PALLD: variants seen among roughly 807,000 people sequenced by gnomAD.
PALLD encodes palladin.
Under a neutral mutation model 123.5 loss-of-function variants are expected in PALLD, and 61 were observed. That is an observed-to-expected ratio of 0.49 (90% CI 0.40 to 0.61). The LOEUF (loss-of-function observed/expected upper bound fraction) is 0.61, where lower values mean the gene tolerates loss of function less well. Ranked by LOEUF, PALLD falls within the 20% of genes least tolerant of loss-of-function variation. The probability of loss-of-function intolerance (pLI) is 0.00; values close to 1 mark genes in which losing one functional copy is unlikely to be tolerated. For missense variants in PALLD, 1,273 were observed against 1,377.0 expected, an observed-to-expected ratio of 0.92 and a Z score of 1.20; for synonymous variants, 465 against 496.4, an observed-to-expected ratio of 0.94 and a Z score of 0.84.
In PALLD at chr4:168,877,992, C is replaced by T. The variant is rs899963551; in HGVS notation, c.1965-12930C>T. On this transcript the variant is annotated intron_variant, in intron 10 of 21. Transcript: ENST00000505667. Reference sequence around the variant, plus strand: ...TTCATCGCCGCGCAGAACCTCGGGCCCGCGTCGGGCCACGGCACGCCGGCC... The same window carrying T: ...TTCATCGCCGCGCAGAACCTCGGGCTCGCGTCGGGCCACGGCACGCCGGCC... 1.0e-5 allele frequency: 15 copies of T among 1,499,898 alleles called. No individual in the cohort carries two copies. The highest frequency in any genetic ancestry group is 1.2e-5 in the Non-Finnish European group (14 of 1,130,318). The allele number at this position is 1,499,898 out of a possible 1,614,324, so 92.9% of individuals were successfully genotyped here. A position where few individuals can be genotyped will look rare whatever the true frequency, so the allele number is the denominator to read the frequency against.
At chr4:168,641,318 T>A (rs1466858850) in intron 2 of PALLD, among the ~76,000 whole-genome samples, 3 of 152,078 alleles carry the variant, frequency 2.0e-5, no homozygotes, top group African/African-American at 7.2e-5. Flanking sequence ...CGTAGAGGGT[T>A]TTGAGTAAGC....
chr4:168,846,271 T>C (rs1746828821), intron 10 of PALLD, among the ~76,000 whole-genome samples: 1 of 152,254 alleles, frequency 6.6e-6, no homozygotes. Flanking sequence ...AGTTTTCTCA[T>C]GTTTCCTTTT....
intron 2 of PALLD, among the ~76,000 whole-genome samples, chr4:168,522,833 T>C (rs1162996204): frequency 6.6e-6 from 1 of 152,204 alleles, no homozygotes; most frequent in Non-Finnish European, 1.5e-5. Context: ...GGATATCTGC[T>C]GAAATAGGAC....
At chr4:168,582,822 T>C (rs942743866) in intron 2 of PALLD, among the ~76,000 whole-genome samples, 1 of 152,178 alleles carries the variant, frequency 6.6e-6, no homozygotes, top group African/African-American at 2.4e-5. Context: ...GAATTTGGTT[T>C]GCTGGTATTT....
chr4:168,735,900 G>C (rs1438507051), intron 10 of PALLD, among the ~76,000 whole-genome samples: 1 of 152,070 alleles, frequency 6.6e-6, no homozygotes, highest in Non-Finnish European at 1.5e-5. Context: ...TACTTTCATT[G>C]CCACTCTGTG....
chr4:168,825,727 G>A (rs964934055), intron 10 of PALLD, among the ~76,000 whole-genome samples: 29 of 145,304 alleles, frequency 2.0e-4, no homozygotes, highest in African/African-American at 6.8e-4. Flanking sequence ...TGCTGAGAGA[G>A]TTTTACTTCC....
At position 168,924,328 on chromosome 4, in the gene PALLD, G is replaced by A; in HGVS notation, c.3132G>A (p.Val1044=). Residue 1044 remains valine (V), a synonymous_variant, in exon 19 of 22, where the codon GTG becomes GTA. Coordinates refer to ENST00000505667, the MANE Select transcript of PALLD (RefSeq NM_001166108.2). ...QNTGVADGYP[V]RLECRVLGVP... ...CAGGAGTTGCTGATGGGTACCCAGT[G>A]CGGCTGGAATGTCGTGTATTGGGAG... The A allele has an allele frequency of 6.2e-7, 1 of 1,613,954 alleles. No individual in the cohort carries two copies. Among genetic ancestry groups the A allele is most frequent in the Non-Finnish European group, 8.5e-7 (1 of 1,179,866 alleles).
chr4:168,794,486 A>ACATG (rs1364329535), intron 10 of PALLD, among the ~76,000 whole-genome samples: 1 of 143,780 alleles, frequency 7.0e-6, no homozygotes, highest in South Asian at 2.2e-4. Context: ...ACGCACACAC[A>ACATG]CATGCACGCA....
intron 1 of PALLD, among the ~76,000 whole-genome samples, chr4:168,502,838 A>C (rs1192644153): frequency 6.6e-6 from 1 of 152,228 alleles, no homozygotes; most frequent in Non-Finnish European, 1.5e-5. Flanking sequence ...CAGGAATTCA[A>C]GGCTACAGTG....
At chr4:168,540,615 T>C (rs1416188914) in intron 2 of PALLD, among the ~76,000 whole-genome samples, 2 of 152,220 alleles carry the variant, frequency 1.3e-5, no homozygotes, top group Non-Finnish European at 2.9e-5. Context: ...AAAGTATGCA[T>C]GTATGTTTGT....
intron 10 of PALLD, among the ~76,000 whole-genome samples, chr4:168,771,673 A>G (rs1029217870): frequency 6.6e-6 from 1 of 152,094 alleles, no homozygotes; most frequent in African/African-American, 2.4e-5. Context: ...GGGCTTGTCT[A>G]CACTTGGTCT....
chr4:168,735,956 TC>T (rs111688359), intron 10 of PALLD, among the ~76,000 whole-genome samples: 4 of 152,302 alleles, frequency 2.6e-5, no homozygotes, highest in African/African-American at 9.6e-5. Flanking sequence ...TGACTAACAT[TC>T]CACAGGTTAA....
chr4:168,685,969 C>A (rs1782004809), intron 6 of PALLD, among the ~76,000 whole-genome samples: 1 of 152,112 alleles, frequency 6.6e-6, no homozygotes, highest in Admixed American at 6.6e-5. Context: ...ATTGGTCAGC[C>A]TCTCAAGTCA....
In PALLD at chr4:168,652,694, C is replaced by G. The variant is rs1778174214; in HGVS notation, c.909-15496C>G. Among the ~76,000 whole-genome samples, 3 of 152,144 alleles carry G rather than the reference C, an allele frequency of 2.0e-5. No homozygotes were observed. The South Asian group carries it at 6.2e-4, about 31-fold the overall frequency. ...GGAGAGGAAATGTGAGATGTTGATT[C>G]AGGTTTTCGTTCAAAGAATGAAAGC... On this transcript the variant is annotated intron_variant, in intron 2 of 21. Coordinates refer to ENST00000505667, the MANE Select transcript of PALLD (RefSeq NM_001166108.2).
At chr4:168,661,401 C>A (rs1269137696) in intron 2 of PALLD, among the ~76,000 whole-genome samples, 5 of 152,144 alleles carry the variant, frequency 3.3e-5, no homozygotes, top group Admixed American at 3.3e-4. Context: ...AAAAAAGCCC[C>A]TTGATGAATG....
At chr4:168,521,417 C>T (rs5005000) in intron 2 of PALLD, among the ~76,000 whole-genome samples, 112,613 of 152,058 alleles carry the variant, frequency 0.74, 41,920 homozygotes, top group East Asian at 0.86. Context: ...TAGAAGTACC[C>T]ACCTCTAGGG....
intron 2 of PALLD, among the ~76,000 whole-genome samples, chr4:168,655,257 G>A (rs1037437625): frequency 6.6e-6 from 1 of 152,224 alleles, no homozygotes; most frequent in Non-Finnish European, 1.5e-5. Context: ...CATTCGGGAA[G>A]GAGGGTGGCT....
chr4:168,688,949 C>T (rs1782348372), intron 6 of PALLD, among the ~76,000 whole-genome samples: 1 of 152,178 alleles, frequency 6.6e-6, no homozygotes. Flanking sequence ...CCATAAGTGA[C>T]ACTTACCCTG....
At chr4:168,892,448 G>A (rs1560868292) in intron 11 of PALLD, among the ~76,000 whole-genome samples, 1 of 152,194 alleles carries the variant, frequency 6.6e-6, no homozygotes, top group African/African-American at 2.4e-5. Context: ...AAGCTGGAGA[G>A]CAGAGGAGGG....
Sources: allele counts gnomAD v4.1 joint callset (sites outside exome capture counted in the v4.1 genomes callset), GRCh38; gene constraint gnomAD v4.1.1; transcripts MANE v1.5; gene names NCBI Gene and HGNC (gene_info 2026-07-23, HGNC 2026-07-21).